Variants in CDYL observed in about 807,000 individuals in gnomAD.
CDYL encodes the protein chromodomain Y-like protein.
A neutral mutation model predicts 47.3 loss-of-function variants in CDYL; 8 were observed. The observed-to-expected ratio is 0.17, with a 90% CI of 0.10 to 0.31. The LOEUF (loss-of-function observed/expected upper bound fraction) is 0.31. Among genes scored for constraint, CDYL ranks in the 10% least tolerant of loss-of-function variants. The pLI is 1.00. For synonymous variants in CDYL, 266 were observed against 265.0 expected (o/e 1.00, Z -0.04); for missense variants, 471 against 701.4 (o/e 0.67, Z 3.71).
At chr6:4,937,425 G>C in intron 3 of CDYL, 140 bp from the exon 4 acceptor site, 1 of 569,882 alleles carries the variant, frequency 1.8e-6, no homozygotes, top group Non-Finnish European at 2.9e-6. Flanking sequence ...GAGCCCAGGA[G>C]TTAGAGAGCA....
At chr6:4,913,896 C>T (rs1446868380) in intron 2 of CDYL, among the ~76,000 whole-genome samples, 1 of 152,250 alleles carries the variant, frequency 6.6e-6, no homozygotes, top group Non-Finnish European at 1.5e-5. Flanking sequence ...TTGGCGGAGC[C>T]CGGGTCTAGC....
chr6:4,933,401 A>AG (rs143950691), intron 2 of CDYL, among the ~76,000 whole-genome samples: 20 of 152,242 alleles, frequency 1.3e-4, no homozygotes, highest in African/African-American at 4.6e-4. Context: ...CCGCTCCCCC[A>AG]GGCTCACATG....
intron 3 of CDYL, among the ~76,000 whole-genome samples, chr6:4,768,501 G>T (rs1299187042): frequency 2.0e-5 from 3 of 152,114 alleles, no homozygotes; most frequent in Non-Finnish European, 4.4e-5. Context: ...CAAAGCTAGA[G>T]AATCTGATCA....
At chr6:4,910,727 T>G (rs1172654210) in intron 2 of CDYL, among the ~76,000 whole-genome samples, 1 of 152,230 alleles carries the variant, frequency 6.6e-6, no homozygotes, top group Non-Finnish European at 1.5e-5. Flanking sequence ...AGTCGGGTTT[T>G]TATAAAGCAG....
At chr6:4,769,108 G>C (rs1457695154) in intron 3 of CDYL, among the ~76,000 whole-genome samples, 3 of 152,146 alleles carry the variant, frequency 2.0e-5, no homozygotes, top group African/African-American at 7.2e-5. Flanking sequence ...AGGTAATGCG[G>C]CGTCACAGAT....
chr6:4,729,512 AG>A, intron 2 of CDYL, among the ~76,000 whole-genome samples: 1 of 152,254 alleles, frequency 6.6e-6, no homozygotes, highest in South Asian at 2.1e-4. Flanking sequence ...TGTCACACCT[AG>A]GCATGGATCC....
chr6:4,718,914 T>G (rs1480296550), intron 2 of CDYL, among the ~76,000 whole-genome samples: 15 of 64,096 alleles, frequency 2.3e-4, no homozygotes, highest in African/African-American at 1.0e-3. Context: ...TTCCACTGGT[T>G]TTTTTTTTTC....
chr6:4,822,688 G>A (rs1239586171), intron 1 of CDYL, among the ~76,000 whole-genome samples: 1 of 152,154 alleles, frequency 6.6e-6, no homozygotes, highest in African/African-American at 2.4e-5. Context: ...GCCACACATT[G>A]CTGCCATCTG....
rs566251417 is a variant in CDYL at position 4,853,734 on chromosome 6, C to T, written c.25-37979C>T. ...AAACACCAGGCAGCTGTCACCTTTG[C>T]GTACAGGATAGAGCCCATCACCGTT... On this transcript the variant is annotated intron_variant, in intron 1 of 6. Coordinates refer to ENST00000397588, the MANE Select transcript of CDYL (RefSeq NM_004824.4). Among the ~76,000 whole-genome samples, 3 of 152,336 alleles carry T rather than the reference C, an allele frequency of 2.0e-5. No individual in the cohort carries two copies. In the East Asian group the frequency reaches 5.8e-4, roughly 29 times the overall value.
intron 3 of CDYL, among the ~76,000 whole-genome samples, chr6:4,738,267 C>G (rs911796828): frequency 7.9e-5 from 12 of 152,130 alleles, no homozygotes; most frequent in Non-Finnish European, 1.6e-4. Context: ...ATCCCAACTA[C>G]TAGGGAGGCT....
At chr6:4,736,062 T>G (rs6932591) in intron 3 of CDYL, among the ~76,000 whole-genome samples, 20,976 of 152,168 alleles carry the variant, frequency 0.14, 1,784 homozygotes, top group African/African-American at 0.25. Flanking sequence ...AGCCCTCCTG[T>G]TTCCCACTCC....
intron 1 of CDYL, among the ~76,000 whole-genome samples, chr6:4,879,224 AG>A (rs1009962527): frequency 1.3e-5 from 2 of 152,200 alleles, no homozygotes; most frequent in Non-Finnish European, 2.9e-5. Flanking sequence ...GTGCTGTTGA[AG>A]TCTTTAGTGA....
intron 3 of CDYL, among the ~76,000 whole-genome samples, chr6:4,744,495 CA>C (rs5873949): frequency 0.77 from 116,212 of 149,996 alleles, 45,593 homozygotes; most frequent in Non-Finnish European, 0.84. Context: ...GACCCTGTCT[CA>C]AAAAAAAAAA....
chr6:4,872,353 T>C (rs545701223), intron 1 of CDYL, among the ~76,000 whole-genome samples: 1 of 149,514 alleles, frequency 6.7e-6, no homozygotes, highest in South Asian at 2.1e-4. Flanking sequence ...GTTGGTACAT[T>C]AGGTTTAAAA....
At chr6:4,888,430 T>C (rs1761955318) in intron 1 of CDYL, among the ~76,000 whole-genome samples, 1 of 151,312 alleles carries the variant, frequency 6.6e-6, no homozygotes, top group Middle Eastern at 3.2e-3. Context: ...ATTATTGGCA[T>C]ATAGTTGTTC....
intron 2 of CDYL, among the ~76,000 whole-genome samples, chr6:4,720,918 T>C (rs1432998245): frequency 2.0e-5 from 3 of 152,226 alleles, no homozygotes; most frequent in Admixed American, 6.5e-5. Context: ...AACATATTGC[T>C]AGTAAAAATG....
intron 1 of CDYL, among the ~76,000 whole-genome samples, chr6:4,799,837 T>C (rs1759175966): frequency 6.9e-6 from 1 of 144,858 alleles, no homozygotes; most frequent in Non-Finnish European, 1.5e-5. Context: ...CATTGGTTGT[T>C]TCTGTTTCTG....
intron 1 of CDYL, among the ~76,000 whole-genome samples, chr6:4,788,128 T>C (rs1252445853): frequency 6.6e-6 from 1 of 151,984 alleles, no homozygotes; most frequent in Non-Finnish European, 1.5e-5. Context: ...GGTCCTTCTT[T>C]TGGGTCTCCA....
intron 1 of CDYL, among the ~76,000 whole-genome samples, chr6:4,779,859 C>T (rs967005045): frequency 1.3e-5 from 2 of 152,172 alleles, no homozygotes; most frequent in African/African-American, 4.8e-5. Flanking sequence ...TCGTAGACTC[C>T]TATATGAATG....
Sources: allele counts gnomAD v4.1 joint callset (sites outside exome capture counted in the v4.1 genomes callset), GRCh38; gene constraint gnomAD v4.1.1; transcripts MANE v1.5; gene names NCBI Gene and HGNC (gene_info 2026-07-23, HGNC 2026-07-21).